CCDC88A: variants seen among roughly 807,000 people sequenced by gnomAD.
CCDC88A encodes the protein coiled-coil and HOOK domain protein 88A.
CCDC88A carries 54 observed loss-of-function variants against 234.3 expected under a neutral mutation model. The observed-to-expected ratio is 0.23, with a 90% CI of 0.19 to 0.29. CCDC88A has a LOEUF of 0.29. Ranked by LOEUF, CCDC88A falls within the 10% of genes least tolerant of loss-of-function variation. The pLI, the probability that CCDC88A is intolerant of heterozygous loss-of-function variation, is 1.00. For missense variants in CCDC88A, 1,832 were observed against 2,123.4 expected (o/e 0.86, Z 2.70); for synonymous variants, 753 against 737.8 (o/e 1.02, Z -0.33).
At chr2:55,374,779 A>G (rs1673368393) in intron 4 of CCDC88A, 35 bp downstream of exon 4, 6 of 1,289,266 alleles carry the variant, frequency 4.7e-6, no homozygotes, top group Non-Finnish European at 5.6e-6. Context: ...CACAAAGGTT[A>G]GACATTACTT....
At chr2:55,357,936 A>G (rs189206745) in intron 7 of CCDC88A, among the ~76,000 whole-genome samples, 1 of 152,222 alleles carries the variant, frequency 6.6e-6, no homozygotes, top group Non-Finnish European at 1.5e-5. Context: ...AAACAAAGCA[A>G]TTCTTCTATT....
At chr2:55,344,770 G>A (rs1668894207) in intron 10 of CCDC88A, among the ~76,000 whole-genome samples, 1 of 152,036 alleles carries the variant, frequency 6.6e-6, no homozygotes, top group Non-Finnish European at 1.5e-5. Context: ...AACTTCCTTA[G>A]TCACAAGGAT....
rs1173717569 is a variant in CCDC88A, at chr2:55,295,297, G to A, written c.5551+300C>T. ...TCAGTTATTCTGATAACTGGCCTAGGAGGTAACCCACTTATGTTACTAACT... is the reference window on the plus strand; with the variant it reads ...TCAGTTATTCTGATAACTGGCCTAGAAGGTAACCCACTTATGTTACTAACT... On this transcript the variant is annotated intron_variant, in intron 31 of 32. Transcript: ENST00000436346. 2.1e-6 allele frequency: 3 copies of A among 1,428,246 alleles called. No homozygotes were observed. In the African/African-American group the frequency reaches 4.3e-5, roughly 20 times the overall value. The allele number at this position is 1,428,246 out of a possible 1,614,324, so 88.5% of individuals were successfully genotyped here.
rs1246521898 is a variant in CCDC88A at position 55,289,129 on chromosome 2, C to T, written c.*2071G>A. 1.3e-5 allele frequency: 2 copies of T among 152,600 alleles called. No individual in the cohort carries two copies. Among genetic ancestry groups the T allele is most frequent in the South Asian group, 4.1e-4 (2 of 4,830 alleles). The allele number at this position is 152,600 out of a possible 1,614,324, so 9.5% of individuals were successfully genotyped here. A position where few individuals can be genotyped will look rare whatever the true frequency, so the allele number is the denominator to read the frequency against. ...GCATTTTCTGCTTGAAGCACTAATG[C>T]ACTTAACCCAGCATGTTCTGTATTT... On this transcript the variant is annotated 3_prime_UTR_variant, in exon 33 of 33. Transcript: ENST00000436346.
chr2:55,410,833 C>T (rs1213907552), intron 2 of CCDC88A, among the ~76,000 whole-genome samples: 2 of 151,054 alleles, frequency 1.3e-5, no homozygotes, highest in East Asian at 1.9e-4. Flanking sequence ...GCAGAGGTTG[C>T]AGTGAACCAA....
chr2:55,401,484 A>G lies in CCDC88A; in HGVS notation c.165-12598T>C, dbSNP rs28530623. On this transcript the variant is annotated intron_variant, in intron 2 of 32. Transcript: ENST00000436346. ...TATATATACATATGTGTGTGTATGT[A>G]TGTGTGTGTGTATACATATATATAT... 3.0e-4 allele frequency among the ~76,000 whole-genome samples: 14 copies of G among 46,770 alleles called. 2 individuals carry two copies. Among genetic ancestry groups the G allele is most frequent in the African/African-American group, 7.8e-4 (13 of 16,664 alleles). The allele number at this position is 46,770 out of a possible 152,430, so 30.7% of individuals were successfully genotyped here.
At chr2:55,361,075 G>A (rs1299966691) in intron 7 of CCDC88A, among the ~76,000 whole-genome samples, 4 of 152,074 alleles carry the variant, frequency 2.6e-5, no homozygotes, top group Non-Finnish European at 4.4e-5. Context: ...AACAGAGCCA[G>A]ACTCCATCTC....
At position 55,387,107 on chromosome 2, in the gene CCDC88A, G is replaced by A. The variant is rs187748066; in HGVS notation, c.273+1671C>T. Among the ~76,000 whole-genome samples the A allele has an allele frequency of 2.0e-3, 285 of 146,150 alleles. 2 individuals carry two copies. Among genetic ancestry groups the A allele is most frequent in the African/African-American group, 6.8e-3 (270 of 39,900 alleles). The stretch of plus-strand genomic sequence containing the variant: ...CAGGAGAATTGCTGGAACCCAGGAG[G>A]CGGAAGTTGCAGTGAGCTGAGCTCG... On this transcript the variant is annotated intron_variant, in intron 3 of 32. Transcript: ENST00000436346.
rs1679190895 is a variant in CCDC88A at position 55,287,996 on chromosome 2, C to G, written c.*3204G>C. 1 of 152,586 alleles carries G rather than the reference C, an allele frequency of 6.6e-6. No homozygotes were observed. Among genetic ancestry groups the G allele is most frequent in the Non-Finnish European group, 1.5e-5 (1 of 68,014 alleles). The allele number at this position is 152,586 out of a possible 1,614,324, so 9.5% of individuals were successfully genotyped here. On this transcript the variant is annotated 3_prime_UTR_variant, in exon 33 of 33. Transcript: ENST00000436346. ...CTTGTCATGAGTTGGATGCCTGTGA[C>G]TGACATCAGGTATTGCCAAGTAATA...
chr2:55,326,069 C>G (rs1684222571), intron 17 of CCDC88A, among the ~76,000 whole-genome samples: 1 of 151,968 alleles, frequency 6.6e-6, no homozygotes, highest in East Asian at 1.9e-4. Context: ...GGTGTTTAGA[C>G]CTTTTATATC....
At chr2:55,361,128 CA>C (rs1349260579) in intron 7 of CCDC88A, among the ~76,000 whole-genome samples, 1 of 152,040 alleles carries the variant, frequency 6.6e-6, no homozygotes. Context: ...AAAATAAAAC[CA>C]AAGTATAGAT....
Position 55,322,631 on chromosome 2 carries a change from G to T in CCDC88A, c.3059C>A (p.Ser1020Tyr), listed in dbSNP as rs775428378. The T allele has an allele frequency of 1.9e-6, 3 of 1,606,936 alleles. No homozygotes were observed. The highest frequency in any genetic ancestry group is 2.6e-6 in the Non-Finnish European group (3 of 1,174,338). Residue 1020 changes from serine (S) to tyrosine (Y), a missense_variant, in exon 18 of 33, where the codon TCT becomes TAT. This residue lies in a region of CCDC88A where 1,282 missense variants were observed against 1,543.6 expected (regional missense o/e 0.83). Coordinates refer to ENST00000436346, the MANE Select transcript of CCDC88A (RefSeq NM_001365480.1). ...RQDEERMVQS[S>Y]PPISGEDNKW... ...GTTGTCTTCACCAGATATTGGAGGAGAGCTCTGTACCATCCTTTCCTCATC... is the reference window on the plus strand; with the variant it reads ...GTTGTCTTCACCAGATATTGGAGGATAGCTCTGTACCATCCTTTCCTCATC...
intron 2 of CCDC88A, among the ~76,000 whole-genome samples, chr2:55,411,796 A>AC: frequency 4.3e-5 from 6 of 140,482 alleles, no homozygotes; most frequent in Admixed American, 7.4e-5. Context: ...AAAAAAAAAA[A>AC]AAAAAAACTC....
chr2:55,367,226 TGGTGGTTACCGAG>T (rs1417792647), intron 5 of CCDC88A, among the ~76,000 whole-genome samples: 7 of 152,160 alleles, frequency 4.6e-5, no homozygotes, highest in East Asian at 3.9e-4. Context: ...TAAAGTAAAA[TGGTGGTTACCGAG>T]GTCTGGTAAC....
At chr2:55,303,551 T>C (rs1325796010) in intron 25 of CCDC88A, among the ~76,000 whole-genome samples, 3 of 152,128 alleles carry the variant, frequency 2.0e-5, no homozygotes, top group Non-Finnish European at 4.4e-5. Flanking sequence ...CTGGCTAATT[T>C]TGTATTTTTA....
At chr2:55,366,948 G>A (rs1672065373) in intron 5 of CCDC88A, among the ~76,000 whole-genome samples, 1 of 152,138 alleles carries the variant, frequency 6.6e-6, no homozygotes, top group Admixed American at 6.5e-5. Flanking sequence ...ACAGACATTT[G>A]TACACTCATG....
intron 23 of CCDC88A, 124 bp downstream of exon 23, chr2:55,312,310 T>C (rs577950484): frequency 1.7e-4 from 131 of 763,878 alleles, no homozygotes; most frequent in South Asian, 1.4e-3. Flanking sequence ...GCCTGGAATA[T>C]AAGCACTCAA....
intron 2 of CCDC88A, among the ~76,000 whole-genome samples, chr2:55,395,593 A>T (rs951152242): frequency 6.6e-6 from 1 of 152,266 alleles, no homozygotes; most frequent in African/African-American, 2.4e-5. Context: ...AATAAAAATA[A>T]GAATAAACAA....
At chr2:55,354,045 G>C (rs1037688600) in intron 8 of CCDC88A, among the ~76,000 whole-genome samples, 14 of 152,052 alleles carry the variant, frequency 9.2e-5, no homozygotes, top group African/African-American at 3.4e-4. Flanking sequence ...GAATACTGTA[G>C]GCAACTGTAA....
Sources: allele counts gnomAD v4.1 joint callset (sites outside exome capture counted in the v4.1 genomes callset), GRCh38; gene constraint gnomAD v4.1.1; regional missense constraint gnomAD v4.1.1; transcripts MANE v1.5; gene names NCBI Gene and HGNC (gene_info 2026-07-23, HGNC 2026-07-21).